SLIT1: variants seen among roughly 807,000 people sequenced by gnomAD.
The protein encoded by SLIT1 is slit guidance ligand 1.
Under a neutral mutation model 186.1 loss-of-function variants are expected in SLIT1, and 66 were observed. The observed-to-expected ratio is 0.35, with a 90% CI of 0.29 to 0.44. The LOEUF (loss-of-function observed/expected upper bound fraction) is 0.44. SLIT1 is among the 20% of genes least tolerant of loss of function. The pLI is 1.00. For synonymous variants in SLIT1, 761 were observed against 833.8 expected (o/e 0.91, Z 1.50); for missense variants, 1,638 against 2,037.4 (o/e 0.80, Z 3.77).
In SLIT1 at chr10:97,043,355, G is replaced by A. The variant is rs1295392658; in HGVS notation, c.1997+15C>T. On this transcript the variant is annotated intron_variant, in intron 19 of 36. Transcript: ENST00000266058. This position sits in a 1 kb window ranked among gnomAD's most constrained non-coding sequence, Gnocchi z 7.0. ...TCCAGAGCCCCCGCCCGCCTGTCCTGGAGGCCGGACTCACAGTGTGGAGAG... is the reference window on the plus strand; with the variant it reads ...TCCAGAGCCCCCGCCCGCCTGTCCTAGAGGCCGGACTCACAGTGTGGAGAG... 6 of 1,612,822 alleles carry A rather than the reference G, an allele frequency of 3.7e-6. No individual in the cohort carries two copies. Among genetic ancestry groups the A allele is most frequent in the South Asian group, 3.3e-5 (3 of 91,000 alleles).
intron 4 of SLIT1, among the ~76,000 whole-genome samples, chr10:97,138,165 G>A (rs1210960566): frequency 6.6e-6 from 1 of 152,188 alleles, no homozygotes; most frequent in African/African-American, 2.4e-5. Context: ...CCGAGGGCTG[G>A]CATTTTACAT....
intron 1 of SLIT1, among the ~76,000 whole-genome samples, chr10:97,168,673 T>C: frequency 6.6e-6 from 1 of 152,232 alleles, no homozygotes; most frequent in East Asian, 1.9e-4. Context: ...TATTGTCCAA[T>C]TATAAACAAT....
In SLIT1 at chr10:97,001,267, A is replaced by C; in HGVS notation, c.4450T>G (p.Ser1484Ala). ...YAICQTTRPLSWVECRGSCPG... is the reference protein window; with the variant it reads ...YAICQTTRPLAWVECRGSCPG... Reference sequence around the variant, plus strand: ...CACGAGCCCCGGCACTCCACCCATGACAGGGGGCGCGTGGTCTGGCAGATG... The same window carrying C: ...CACGAGCCCCGGCACTCCACCCATGCCAGGGGGCGCGTGGTCTGGCAGATG... Residue 1484 changes from serine (S) to alanine (A), a missense_variant, in exon 37 of 37, where the codon TCA becomes GCA. By Grantham distance (99) the Ser-to-Ala change is moderately conservative. Around this residue, in one of 3 missense-constraint regions of SLIT1, gnomAD observed 220 missense variants for 211.3 expected, o/e 1.04. Transcript: ENST00000266058. The C allele has an allele frequency of 6.2e-7, 1 of 1,613,172 alleles. No homozygotes were observed. The highest frequency in any genetic ancestry group is 8.5e-7 in the Non-Finnish European group (1 of 1,179,984).
intron 4 of SLIT1, among the ~76,000 whole-genome samples, chr10:97,106,642 T>TTG (rs10695556): frequency 2.9e-5 from 2 of 69,422 alleles, no homozygotes; most frequent in East Asian, 3.1e-4. Flanking sequence ...ATTAAAGTTG[T>TTG]TTTTTTTTTT....
chr10:97,113,717 T>G (rs569312046), intron 4 of SLIT1, among the ~76,000 whole-genome samples: 1 of 152,120 alleles, frequency 6.6e-6, no homozygotes, highest in East Asian at 1.9e-4. Flanking sequence ...CATGCCCAGC[T>G]AATTTTGTAT....
intron 4 of SLIT1, among the ~76,000 whole-genome samples, chr10:97,099,666 C>G (rs1849330726): frequency 6.6e-6 from 1 of 152,154 alleles, no homozygotes; most frequent in African/African-American, 2.4e-5. Context: ...TTTCACTTAT[C>G]CTTTTCGAGT....
At chr10:97,018,750 C>T in intron 27 of SLIT1, 67 bp from the exon 28 acceptor site, 1 of 1,008,384 alleles carries the variant, frequency 9.9e-7, no homozygotes. Flanking sequence ...AACAGCCAGC[C>T]AGACCCTCAG....
chr10:97,158,838 C>T (rs1424963897), intron 3 of SLIT1, among the ~76,000 whole-genome samples: 4 of 150,246 alleles, frequency 2.7e-5, no homozygotes, highest in Non-Finnish European at 4.4e-5. Context: ...ATCACGCCAC[C>T]GCACTCCAGC....
chr10:97,099,595 T>C (rs1849330086), intron 4 of SLIT1, among the ~76,000 whole-genome samples: 1 of 152,162 alleles, frequency 6.6e-6, no homozygotes, highest in Admixed American at 6.5e-5. Context: ...GCCCCCTTTC[T>C]CTGCATGTGT....
At chr10:97,025,871 C>T (rs971065973) in intron 25 of SLIT1, among the ~76,000 whole-genome samples, 3 of 152,286 alleles carry the variant, frequency 2.0e-5, no homozygotes, top group East Asian at 1.9e-4. Context: ...CACTCCTAGG[C>T]GATCTATCTG....
At position 97,131,639 on chromosome 10, in the gene SLIT1, C is replaced by T. The variant is rs114602308; in HGVS notation, c.413+26179G>A. On this transcript the variant is annotated intron_variant, in intron 4 of 36. Transcript: ENST00000266058. ...CTCCACCACCTTAAAGGCAGAGGACCGGAGCCCAGCTGCCCCAAGCACAGA... is the reference window on the plus strand; with the variant it reads ...CTCCACCACCTTAAAGGCAGAGGACTGGAGCCCAGCTGCCCCAAGCACAGA... Among the ~76,000 whole-genome samples the T allele has an allele frequency of 2.3e-3, 354 of 152,318 alleles. 1 individual carries two copies. The highest frequency in any genetic ancestry group is 5.8e-3 in the African/African-American group (241 of 41,570).
At chr10:97,151,130 G>A (rs1352701809) in intron 4 of SLIT1, among the ~76,000 whole-genome samples, 1 of 152,174 alleles carries the variant, frequency 6.6e-6, no homozygotes, top group African/African-American at 2.4e-5. Context: ...CTCCTAAGAG[G>A]CAGGGCCACA....
intron 4 of SLIT1, among the ~76,000 whole-genome samples, chr10:97,121,281 C>T (rs545206228): frequency 2.0e-5 from 3 of 152,290 alleles, no homozygotes; most frequent in South Asian, 2.1e-4. Context: ...TGAGAAGCCA[C>T]GCTGAAGGCA....
rs116394234 is a variant in SLIT1 at position 97,021,426 on chromosome 10, C to A, written c.2583-13G>T. 2.2e-3 allele frequency: 3,549 copies of A among 1,608,986 alleles called. 62 individuals carry two copies. In the African/African-American group the frequency reaches 0.042, roughly 19 times the overall value. On this transcript the variant is annotated splice_polypyrimidine_tract_variant and intron_variant, in intron 25 of 36. Coordinates refer to ENST00000266058, the MANE Select transcript of SLIT1 (RefSeq NM_003061.3). The surrounding 1 kb of genome is among the most constrained non-coding windows in gnomAD (Gnocchi z 4.5). ...GGCACCAATGGCCCTGAGCAGAAAG[C>A]AGAGAGAAGCAGGCATTACAGCTTC... is the stretch of plus-strand genomic sequence containing the variant.
rs777390571 is a variant in SLIT1 at position 97,063,443 on chromosome 10, G to C, written c.793+12C>G. 6.2e-7 allele frequency: 1 copy of C among 1,612,008 alleles called. No homozygotes were observed. The highest frequency in any genetic ancestry group is 1.3e-5 in the African/African-American group (1 of 74,822). On this transcript the variant is annotated intron_variant, in intron 8 of 36. Transcript: ENST00000266058. Reference sequence around the variant, plus strand: ...CCGGACAGTTGAGAGCCCGGCAGGGGTCTGCACCCACCTGAGCAGCTGAAC... The same window carrying C: ...CCGGACAGTTGAGAGCCCGGCAGGGCTCTGCACCCACCTGAGCAGCTGAAC...
chr10:97,040,611 A>G (rs1428431009), intron 20 of SLIT1, among the ~76,000 whole-genome samples: 1 of 152,122 alleles, frequency 6.6e-6, no homozygotes, highest in Non-Finnish European at 1.5e-5. Context: ...AGATGAGTTG[A>G]ATGAATGAAT....
chr10:97,048,158 T>C (rs1848753248), intron 14 of SLIT1, among the ~76,000 whole-genome samples, 162 bp from the exon 15 acceptor site: 1 of 152,236 alleles, frequency 6.6e-6, no homozygotes, highest in African/African-American at 2.4e-5. Context: ...AGAGCACGCA[T>C]GTTCCTTGCC....
intron 4 of SLIT1, among the ~76,000 whole-genome samples, chr10:97,151,804 T>C (rs1426578541): frequency 6.6e-6 from 1 of 152,176 alleles, no homozygotes; most frequent in African/African-American, 2.4e-5. Flanking sequence ...AGCATGAGCC[T>C]GGCACACAAC....
At chr10:97,041,549 G>A (rs917020452) in intron 20 of SLIT1, among the ~76,000 whole-genome samples, 18 of 150,844 alleles carry the variant, frequency 1.2e-4, no homozygotes, top group Non-Finnish European at 2.4e-4. Flanking sequence ...TCGGCTCACT[G>A]CAACCTCCAC....
Sources: allele counts gnomAD v4.1 joint callset (sites outside exome capture counted in the v4.1 genomes callset), GRCh38; gene constraint gnomAD v4.1.1; regional missense constraint gnomAD v4.1.1; non-coding constraint Gnocchi (gnomAD v3.1); transcripts MANE v1.5; gene names NCBI Gene and HGNC (gene_info 2026-07-23, HGNC 2026-07-21).